Variants in PTTG1 observed in about 807,000 individuals in gnomAD.
PTTG1 encodes the protein securin.
A neutral mutation model predicts 20.0 loss-of-function variants in PTTG1; 8 were observed. That is an observed-to-expected ratio of 0.40 (90% CI 0.23 to 0.72). PTTG1 has a LOEUF of 0.72. Ranked by LOEUF, PTTG1 falls within the 30% of genes least tolerant of loss-of-function variation. PTTG1 has a pLI of 0.38. For missense variants in PTTG1, 197 were observed against 236.0 expected (o/e 0.83, Z 1.08); for synonymous variants, 79 against 87.2 (o/e 0.91, Z 0.52).
intron 3 of PTTG1, 137 bp from the exon 4 acceptor site, chr5:160,424,100 G>T: frequency 1.7e-6 from 1 of 601,684 alleles, no homozygotes; most frequent in South Asian, 2.2e-5. Context: ...CATATTATTT[G>T]AAGTATATTT....
rs777857544 is a variant in PTTG1, at chr5:160,422,582, A to G, written c.92-127A>G. 1.4e-5 allele frequency: 16 copies of G among 1,144,030 alleles called. No homozygotes were observed. The East Asian group carries it at 3.2e-4, about 23-fold the overall frequency. The allele number at this position is 1,144,030 out of a possible 1,614,324, so 70.9% of individuals were successfully genotyped here. A position where few individuals can be genotyped will look rare whatever the true frequency, so the allele number is the denominator to read the frequency against. On this transcript the variant is annotated intron_variant, in intron 2 of 5. Coordinates refer to ENST00000352433, the MANE Select transcript of PTTG1 (RefSeq NM_004219.4). Reference sequence around the variant, plus strand: ...CTGAATCTCTGCTATTAGGCCTATCATAGCCATGCCACTACCAAAAGTGGG... The same window carrying G: ...CTGAATCTCTGCTATTAGGCCTATCGTAGCCATGCCACTACCAAAAGTGGG...
In PTTG1 at chr5:160,421,858, G is replaced by T; in HGVS notation, c.-45G>T. 1 of 158,480 alleles carries T rather than the reference G, an allele frequency of 6.3e-6. No homozygotes were observed. The highest frequency in any genetic ancestry group is 1.4e-5 in the Non-Finnish European group (1 of 71,264). 9.8% of individuals were successfully genotyped at this position (158,480 alleles called of 1,614,324 possible). ...CAGGAGTGCGCCGCGTCCGTTCACC[G>T]CGGCCTCAGATGAATGCGGCTGTTA... On this transcript the variant is annotated 5_prime_UTR_variant, in exon 1 of 6. Transcript: ENST00000352433.
chr5:160,425,943 T>C (rs749070276), intron 4 of PTTG1, among the ~76,000 whole-genome samples: 13 of 152,154 alleles, frequency 8.5e-5, no homozygotes, highest in Non-Finnish European at 1.5e-4. Flanking sequence ...TTGAAGAAAA[T>C]TCAGTGTTAA....
intron 1 of PTTG1, 87 bp from the exon 2 acceptor site, chr5:160,422,215 C>A: frequency 1.1e-6 from 1 of 910,338 alleles, no homozygotes; most frequent in South Asian, 1.4e-5. Flanking sequence ...TTTGTGTGGA[C>A]ACTCCTAGGA....
intron 3 of PTTG1, among the ~76,000 whole-genome samples, 163 bp from the exon 4 acceptor site, chr5:160,424,074 C>T (rs556965920): frequency 2.0e-5 from 3 of 152,206 alleles, no homozygotes; most frequent in South Asian, 4.1e-4. Context: ...TCATGCTACT[C>T]GAATTACATT....
At position 160,422,131 on chromosome 5, in the gene PTTG1, C is replaced by T. The variant is rs1765723080; in HGVS notation, c.-11-171C>T. ...GGGACCTTAGAGCCTCTGACTCAGG[C>T]TGGAAGATTTGAGAGCTGGATTAAG... On this transcript the variant is annotated intron_variant, in intron 1 of 5. Coordinates refer to ENST00000352433, the MANE Select transcript of PTTG1 (RefSeq NM_004219.4). 9 of 576,686 alleles carry T rather than the reference C, an allele frequency of 1.6e-5. No homozygotes were observed. In the South Asian group the frequency reaches 1.8e-4, roughly 12 times the overall value. The allele number at this position is 576,686 out of a possible 1,614,324, so 35.7% of individuals were successfully genotyped here. A position where few individuals can be genotyped will look rare whatever the true frequency, so the allele number is the denominator to read the frequency against.
intron 4 of PTTG1, among the ~76,000 whole-genome samples, chr5:160,425,410 C>A (rs563101593): frequency 1.6e-4 from 25 of 152,300 alleles, no homozygotes; most frequent in South Asian, 8.3e-4. Context: ...AGAATGAAGA[C>A]CACAATATCC....
chr5:160,428,570 A>T, intron 5 of PTTG1, 32 bp from the exon 6 acceptor site: 1 of 1,588,280 alleles, frequency 6.3e-7, no homozygotes, highest in Non-Finnish European at 8.6e-7. Context: ...AAGGATTTGC[A>T]GAAATTTTAA....
chr5:160,422,815 T>C lies in PTTG1; in HGVS notation c.198T>C (p.Thr66=). The change falls in exon 3 of 6, where the codon ACT becomes ACC. Residue 66 remains threonine, a synonymous_variant. Coordinates refer to ENST00000352433, the MANE Select transcript of PTTG1 (RefSeq NM_004219.4). ...AAGCTACTAGAAAGGCTTTGGGAACTGTCAACAGAGCTACAGAAAAGTCTG... is the reference window on the plus strand; with the variant it reads ...AAGCTACTAGAAAGGCTTTGGGAACCGTCAACAGAGCTACAGAAAAGTCTG... The part of the protein sequence containing the change: ...LPKATRKALG[T]VNRATEKSVK... 6.2e-7 allele frequency: 1 copy of C among 1,614,188 alleles called. No individual in the cohort carries two copies. Among genetic ancestry groups the C allele is most frequent in the East Asian group, 2.2e-5 (1 of 44,874 alleles).
Position 160,423,880 on chromosome 5 carries a change from G to GA in PTTG1, c.277-351dup, listed in dbSNP as rs143218226. ...CAAATAATTTAAGGTAACACTTGTG[G>GA]AAAAAATCACACTCCTATAAGCCAA... is the stretch of plus-strand genomic sequence containing the variant. On this transcript the variant is annotated intron_variant, in intron 3 of 5. Coordinates refer to ENST00000352433, the MANE Select transcript of PTTG1 (RefSeq NM_004219.4). 5.1e-3 allele frequency among the ~76,000 whole-genome samples: 774 copies of GA among 152,222 alleles called. 8 individuals are homozygous for GA. Among genetic ancestry groups the GA allele is most frequent in the African/African-American group, 0.018 (740 of 41,510 alleles).
In PTTG1 at chr5:160,422,293, C is replaced by G; in HGVS notation, c.-11-9C>G. On this transcript the variant is annotated splice_polypyrimidine_tract_variant and intron_variant, in intron 1 of 5. Transcript: ENST00000352433. Reference sequence around the variant, plus strand: ...TCCCCAATATCTAATATGTATTTCTCATTCTTAGAATAATCCAGAATGGCT... The same window carrying G: ...TCCCCAATATCTAATATGTATTTCTGATTCTTAGAATAATCCAGAATGGCT... The G allele has an allele frequency of 6.3e-7, 1 of 1,594,124 alleles. No individual in the cohort carries two copies. The highest frequency in any genetic ancestry group is 8.6e-7 in the Non-Finnish European group (1 of 1,161,860).
chr5:160,427,907 AAACAATTTGTTTCAT>A, intron 5 of PTTG1, 34 bp downstream of exon 5: 1 of 1,613,480 alleles, frequency 6.2e-7, no homozygotes, highest in East Asian at 2.2e-5. Context: ...GAAGGGCTGC[AAACAATTTGTTTCAT>A]AACACTTCCA....
chr5:160,427,113 G>T (rs1765822638), intron 4 of PTTG1, among the ~76,000 whole-genome samples: 1 of 152,154 alleles, frequency 6.6e-6, no homozygotes, highest in African/African-American at 2.4e-5. Flanking sequence ...GGCAACAAAG[G>T]CTGTCAGTTT....
At chr5:160,423,353 C>T (rs1332282501) in intron 3 of PTTG1, among the ~76,000 whole-genome samples, 1 of 152,194 alleles carries the variant, frequency 6.6e-6, no homozygotes, top group Non-Finnish European at 1.5e-5. Flanking sequence ...AATTTGCTAG[C>T]ATGTTGATCT....
In PTTG1 at chr5:160,422,293, C is replaced by T; in HGVS notation, c.-11-9C>T. On this transcript the variant is annotated splice_polypyrimidine_tract_variant and intron_variant, in intron 1 of 5. Transcript: ENST00000352433. ...TCCCCAATATCTAATATGTATTTCT[C>T]ATTCTTAGAATAATCCAGAATGGCT... 9.4e-6 allele frequency: 15 copies of T among 1,594,124 alleles called. No individual in the cohort carries two copies. Among genetic ancestry groups the T allele is most frequent in the Non-Finnish European group, 1.2e-5 (14 of 1,161,860 alleles).
chr5:160,424,634 C>A, intron 4 of PTTG1: 2 of 213,728 alleles, frequency 9.4e-6, no homozygotes, highest in Non-Finnish European at 1.8e-5. Flanking sequence ...GTCTTTCTCA[C>A]AAGGCTTTTA....
intron 4 of PTTG1, among the ~76,000 whole-genome samples, chr5:160,426,394 C>T (rs1266523839): frequency 2.6e-5 from 4 of 152,094 alleles, no homozygotes; most frequent in East Asian, 1.9e-4. Flanking sequence ...CACACAGATA[C>T]GTTTTTAATA....
At position 160,422,413 on chromosome 5, in the gene PTTG1, C is replaced by G. The variant is rs1210773362; in HGVS notation, c.91+10C>G. The G allele has an allele frequency of 1.9e-6, 3 of 1,610,320 alleles. No individual in the cohort carries two copies. Among genetic ancestry groups the G allele is most frequent in the Admixed American group, 1.7e-5 (1 of 60,014 alleles). On this transcript the variant is annotated intron_variant, in intron 2 of 5. Transcript: ENST00000352433. ...CTGGGGTCTGGACCTTGTAAGTATA[C>G]AAGGCTGCAGTCGGATACACTGGTA... is the stretch of plus-strand genomic sequence containing the variant.
rs139827957 is a variant in PTTG1 at position 160,422,796 on chromosome 5, C to G, written c.179C>G (p.Thr60Ser). 1 of 1,613,968 alleles carries G rather than the reference C, an allele frequency of 6.2e-7. No homozygotes were observed. The highest frequency in any genetic ancestry group is 1.3e-5 in the African/African-American group (1 of 74,900). Residue 60 changes from threonine to serine, a missense_variant, in exon 3 of 6, where the codon ACT becomes AGT. Physicochemically the swap from Thr to Ser is moderately conservative, Grantham distance 58. Coordinates refer to ENST00000352433, the MANE Select transcript of PTTG1 (RefSeq NM_004219.4). ...FDAPPALPKA[T>S]RKALGTVNRA... ...GCCCCACCAGCCTTACCTAAAGCTA[C>G]TAGAAAGGCTTTGGGAACTGTCAAC... is the stretch of plus-strand genomic sequence containing the variant.
Sources: allele counts gnomAD v4.1 joint callset (sites outside exome capture counted in the v4.1 genomes callset), GRCh38; gene constraint gnomAD v4.1.1; transcripts MANE v1.5; gene names NCBI Gene and HGNC (gene_info 2026-07-23, HGNC 2026-07-21).